The following CNTN3 variants were observed in gnomAD, a reference collection of about 807,000 sequenced individuals.
CNTN3 encodes contactin-3.
In CNTN3, 60 loss-of-function variants were observed where a neutral mutation model predicts 119.1. The ratio of observed to expected loss-of-function variants is 0.50; its 90% confidence interval spans 0.41 to 0.62. CNTN3 has a LOEUF of 0.62. CNTN3 is among the 20% of genes least tolerant of loss of function. The pLI is 0.00. For missense variants in CNTN3, 1,101 were observed against 1,242.4 expected (o/e 0.89, Z 1.71); for synonymous variants, 450 against 438.7 (o/e 1.03, Z -0.32).
At chr3:74,595,699 A>G (rs966582977) in intron 1 of CNTN3, among the ~76,000 whole-genome samples, 1 of 152,144 alleles carries the variant, frequency 6.6e-6, no homozygotes, top group African/African-American at 2.4e-5. Flanking sequence ...TCAAAATAAT[A>G]AGAGCTATCT....
intron 5 of CNTN3, among the ~76,000 whole-genome samples, chr3:74,410,795 A>G (rs1438415414): frequency 6.6e-6 from 1 of 152,150 alleles, no homozygotes; most frequent in Admixed American, 6.6e-5. Flanking sequence ...TGTTATTACT[A>G]GAACAGATGC....
chr3:74,478,533 G>A (rs578139526), intron 4 of CNTN3, among the ~76,000 whole-genome samples: 2 of 152,260 alleles, frequency 1.3e-5, no homozygotes, highest in South Asian at 4.1e-4. Flanking sequence ...AGGAGCCAGT[G>A]GAGGTTTCTG....
intron 5 of CNTN3, among the ~76,000 whole-genome samples, chr3:74,372,579 C>T (rs1276484860): frequency 1.3e-5 from 2 of 150,886 alleles, no homozygotes; most frequent in South Asian, 4.2e-4. Context: ...TAGTGCTTTC[C>T]CAATAGAGTT....
rs781271000 is a variant in CNTN3, at chr3:74,489,019, C to T, written c.183-2388G>A. Among the ~76,000 whole-genome samples, 14 of 152,148 alleles carry T rather than the reference C, an allele frequency of 9.2e-5. 1 individual carries two copies. The highest frequency in any genetic ancestry group is 1.8e-4 in the Non-Finnish European group (12 of 68,030). ...AATTTGAACTGGGAGCACTCATAAACCTTCTTTCATCTTATTCCATCCCAA... is the reference window on the plus strand; with the variant it reads ...AATTTGAACTGGGAGCACTCATAAATCTTCTTTCATCTTATTCCATCCCAA... On this transcript the variant is annotated intron_variant, in intron 3 of 22. Transcript: ENST00000263665.
At chr3:74,340,007 A>T (rs1472640679) in intron 11 of CNTN3, among the ~76,000 whole-genome samples, 6 of 152,174 alleles carry the variant, frequency 3.9e-5, no homozygotes, top group Non-Finnish European at 8.8e-5. Flanking sequence ...CCATAGATAG[A>T]ATATATTTTA....
intron 1 of CNTN3, among the ~76,000 whole-genome samples, chr3:74,562,390 G>A (rs187571933): frequency 6.6e-5 from 10 of 152,086 alleles, no homozygotes; most frequent in Admixed American, 2.6e-4. Flanking sequence ...TTCTTTCAAT[G>A]TTTGCTTCAT....
At chr3:74,402,729 A>C (rs934347451) in intron 5 of CNTN3, among the ~76,000 whole-genome samples, 2 of 152,200 alleles carry the variant, frequency 1.3e-5, no homozygotes, top group Non-Finnish European at 2.9e-5. Flanking sequence ...ATGGAAGAAA[A>C]TGATTACTGC....
intron 4 of CNTN3, among the ~76,000 whole-genome samples, chr3:74,483,873 G>T (rs1341345885): frequency 1.3e-5 from 2 of 152,012 alleles, no homozygotes; most frequent in Non-Finnish European, 2.9e-5. Flanking sequence ...CATATAAAGT[G>T]CTGGCCAAGA....
At chr3:74,387,806 G>C (rs1330995127) in intron 5 of CNTN3, among the ~76,000 whole-genome samples, 3 of 152,088 alleles carry the variant, frequency 2.0e-5, no homozygotes, top group African/African-American at 7.2e-5. Flanking sequence ...CATTGTTTTG[G>C]GTGGTATCCA....
rs1472426477 is a variant in CNTN3, at chr3:74,285,313, T to C, written c.2696A>G (p.Lys899Arg). 5 of 1,603,302 alleles carry C rather than the reference T, an allele frequency of 3.1e-6. No homozygotes were observed. The highest frequency in any genetic ancestry group is 3.4e-6 in the Non-Finnish European group (4 of 1,176,946). ...PFSATVNVTT[K>R]KTPPSQPPGN... ...AATCAGAATATACTTACGCGTTTTC[T>C]TGGTGGTTACATTAACTGTGGCGCT... The change falls in exon 20 of 23, where the codon AAG becomes AGG. Residue 899 changes from lysine to arginine, a missense_variant. Coordinates refer to ENST00000263665, the MANE Select transcript of CNTN3 (RefSeq NM_020872.3).
intron 19 of CNTN3, among the ~76,000 whole-genome samples, chr3:74,287,643 G>T (rs556817138): frequency 6.6e-5 from 10 of 152,256 alleles, no homozygotes; most frequent in Non-Finnish European, 1.2e-4. Flanking sequence ...TCTTCACTCT[G>T]CTCTCAGTCC....
In CNTN3 at chr3:74,614,450, G is replaced by GCCGCCGCCGCCGCCA. The variant is rs975611022; in HGVS notation, c.-155_-141dup. The stretch of plus-strand genomic sequence containing the variant: ...CGGCCCACTCGCCGCCGCCGCCGCC[G>GCCGCCGCCGCCGCCA]CCGCCGCCGCCGCCACCGCCGCCGC... On this transcript the variant is annotated 5_prime_UTR_variant, in exon 1 of 23. Coordinates refer to ENST00000263665, the MANE Select transcript of CNTN3 (RefSeq NM_020872.3). Among the ~76,000 whole-genome samples the GCCGCCGCCGCCGCCA allele has an allele frequency of 1.4e-5, 2 of 139,692 alleles. No individual in the cohort carries two copies. The highest frequency in any genetic ancestry group is 6.9e-5 in the Admixed American group (1 of 14,480). 91.6% of individuals were successfully genotyped at this position (139,692 alleles called of 152,430 possible).
intron 11 of CNTN3, 52 bp from the exon 12 acceptor site, chr3:74,336,710 C>A: frequency 3.6e-6 from 5 of 1,403,238 alleles, no homozygotes; most frequent in Non-Finnish European, 4.8e-6. Flanking sequence ...ATTTTTTTTC[C>A]AAATGAATAT....
intron 1 of CNTN3, among the ~76,000 whole-genome samples, chr3:74,590,238 A>C (rs1704678557): frequency 6.6e-6 from 1 of 152,078 alleles, no homozygotes; most frequent in Non-Finnish European, 1.5e-5. Flanking sequence ...AGTGGAGGAT[A>C]GAGGCTTGAG....
chr3:74,421,401 C>A (rs1466318145), intron 5 of CNTN3, among the ~76,000 whole-genome samples: 1 of 152,074 alleles, frequency 6.6e-6, no homozygotes, highest in East Asian at 1.9e-4. Flanking sequence ...AACTCCTGAG[C>A]TCAAGCAATC....
At chr3:74,475,805 A>G (rs1340139277) in intron 4 of CNTN3, among the ~76,000 whole-genome samples, 1 of 152,174 alleles carries the variant, frequency 6.6e-6, no homozygotes, top group East Asian at 1.9e-4. Flanking sequence ...TTTCAAGGTC[A>G]TTCACAGGTA....
At chr3:74,266,862 C>A (rs1415127786) in intron 21 of CNTN3, among the ~76,000 whole-genome samples, 1 of 152,088 alleles carries the variant, frequency 6.6e-6, no homozygotes, top group African/African-American at 2.4e-5. Flanking sequence ...GAAGAGTGAA[C>A]TTCTCCCGTG....
chr3:74,433,612 G>A (rs188673794), intron 4 of CNTN3, among the ~76,000 whole-genome samples: 12 of 152,186 alleles, frequency 7.9e-5, no homozygotes, highest in African/African-American at 2.2e-4. Context: ...TTTCCACATA[G>A]GTATTTCATA....
At chr3:74,579,414 A>C in intron 1 of CNTN3, among the ~76,000 whole-genome samples, 1 of 151,992 alleles carries the variant, frequency 6.6e-6, no homozygotes. Flanking sequence ...AAACAGAATC[A>C]ACCAGTGTTC....
Sources: allele counts gnomAD v4.1 joint callset (sites outside exome capture counted in the v4.1 genomes callset), GRCh38; gene constraint gnomAD v4.1.1; transcripts MANE v1.5; gene names NCBI Gene and HGNC (gene_info 2026-07-23, HGNC 2026-07-21).